LTBP4: variants seen among roughly 807,000 people sequenced by gnomAD.
LTBP4 encodes the protein latent-transforming growth factor beta-binding protein 4.
LTBP4 carries 93 observed loss-of-function variants against 180.2 expected under a neutral mutation model. The ratio of observed to expected loss-of-function variants is 0.52; its 90% CI spans 0.44 to 0.61. The LOEUF (loss-of-function observed/expected upper bound fraction) is 0.61. Among genes scored for constraint, LTBP4 ranks in the 20% least tolerant of loss-of-function variants. The probability of loss-of-function intolerance (pLI) is 0.00; values close to 1 mark genes in which losing one functional copy is unlikely to be tolerated. For synonymous variants in LTBP4, 947 were observed against 934.5 expected, an observed-to-expected ratio of 1.01 and a Z score of -0.24; for missense variants, 2,116 against 2,256.5, an observed-to-expected ratio of 0.94 and a Z score of 1.26.
rs751666161 is a variant in LTBP4, at chr19:40,608,454, C to T, written c.1307-30C>T. On this transcript the variant is annotated intron_variant, in intron 8 of 29. Coordinates refer to ENST00000396819, the MANE Select transcript of LTBP4 (RefSeq NM_001042545.2). ...GAAAGGAGGCAAGAGAGGATTTGGGCTCCACTCGTTGATACCCCTTCTTTA... is the reference window on the plus strand; with the variant it reads ...GAAAGGAGGCAAGAGAGGATTTGGGTTCCACTCGTTGATACCCCTTCTTTA... 9 of 1,592,184 alleles carry T rather than the reference C, an allele frequency of 5.7e-6. No homozygotes were observed. In the African/African-American group the frequency reaches 6.7e-5, roughly 12 times the overall value.
At chr19:40,604,360 G>A (rs2081443841) in intron 1 of LTBP4, among the ~76,000 whole-genome samples, 1 of 152,042 alleles carries the variant, frequency 6.6e-6, no homozygotes, top group African/African-American at 2.4e-5. Flanking sequence ...AGAGTTGGGC[G>A]GGGAGTTATG....
intron 26 of LTBP4, 30 bp downstream of exon 26, chr19:40,624,112 C>G (rs1325562082): frequency 6.7e-7 from 1 of 1,496,240 alleles, no homozygotes. Flanking sequence ...CCAGGCCCTC[C>G]TTCCCTTGGC....
Position 40,627,703 on chromosome 19 carries a change from A to G in LTBP4, c.4367-2A>G. On this transcript the variant is annotated splice_acceptor_variant, in intron 28 of 29. Transcript: ENST00000396819. LOFTEE classifies it high-confidence loss of function. ...GTCATAGGGTCCCCGCATTTCCCAC[A>G]GGTTCCCTGGCTGAGCCCTACGAGG... is the stretch of plus-strand genomic sequence containing the variant. 1 of 1,589,834 alleles carries G rather than the reference A, an allele frequency of 6.3e-7. No homozygotes were observed. The highest frequency in any genetic ancestry group is 8.6e-7 in the Non-Finnish European group (1 of 1,169,410).
At position 40,613,980 on chromosome 19, in the gene LTBP4, C is replaced by A. The variant is rs368968316; in HGVS notation, c.2622C>A (p.Ser874=). The stretch of plus-strand genomic sequence containing the variant: ...GCATCTGTACCAACACCGACGGCTC[C>A]TTCGAGTGCATCTGTCCTCCGGGAC... ...QSGICTNTDG[S]FECICPPGHR... The change falls in exon 18 of 30, where the codon TCC becomes TCA. Residue 874 remains serine, a synonymous_variant. Coordinates refer to ENST00000396819, the MANE Select transcript of LTBP4 (RefSeq NM_001042545.2). The surrounding 1 kb of genome is among the most constrained non-coding windows in gnomAD (Gnocchi z 5.0). 6.8e-6 allele frequency: 11 copies of A among 1,613,632 alleles called. No homozygotes were observed. The highest frequency in any genetic ancestry group is 1.3e-5 in the African/African-American group (1 of 74,886).
In LTBP4 at chr19:40,609,864, A is replaced by T; in HGVS notation, c.1677A>T (p.Glu559Asp). The change falls in exon 11 of 30, where the codon GAA becomes GAT. Residue 559 changes from glutamate (E) to aspartate (D), a missense_variant. This residue lies in a region of LTBP4 where 877 missense variants were observed against 873.6 expected (regional missense o/e 1.00). Coordinates refer to ENST00000396819, the MANE Select transcript of LTBP4 (RefSeq NM_001042545.2). The surrounding 1 kb of genome is among the most constrained non-coding windows in gnomAD (Gnocchi z 4.9). ...PGFRAGPRAA[E>D]CLDVDECHRV... Reference sequence around the variant, plus strand: ...TCCGAGCCGGCCCACGGGCTGCGGAATGCCTGGGTGAGAAATTTGCCCCAC... The same window carrying T: ...TCCGAGCCGGCCCACGGGCTGCGGATTGCCTGGGTGAGAAATTTGCCCCAC... 2 of 1,569,160 alleles carry T rather than the reference A, an allele frequency of 1.3e-6. No homozygotes were observed.
At position 40,606,500 on chromosome 19, in the gene LTBP4, T is replaced by A; in HGVS notation, c.965T>A (p.Leu322His). Residue 322 changes from leucine (L) to histidine (H), a missense_variant, in exon 6 of 30, where the codon CTC becomes CAC. Coordinates refer to ENST00000396819, the MANE Select transcript of LTBP4 (RefSeq NM_001042545.2). ...TGTGTGTGCCCCGACGGCTTTCTGC[T>A]CGACTCGTCCCGCAGCAGCTGCATC... ...YTCVCPDGFL[L>H]DSSRSSCISQ... 1 of 1,573,038 alleles carries A rather than the reference T, an allele frequency of 6.4e-7. No homozygotes were observed. Among genetic ancestry groups the A allele is most frequent in the South Asian group, 1.2e-5 (1 of 85,672 alleles).
At chr19:40,623,754 A>AC (rs750359995) in intron 25 of LTBP4, 22 bp downstream of exon 25, 48 of 1,610,984 alleles carry the variant, frequency 3.0e-5, no homozygotes, top group Non-Finnish European at 3.9e-5. Flanking sequence ...ACCTCCCCCA[A>AC]CCCCCGGCAA....
At position 40,627,161 on chromosome 19, in the gene LTBP4, C is replaced by G; in HGVS notation, c.4172C>G (p.Pro1391Arg). ...PYDPYPPPPG[P>R]FARREAPYGA... Reference sequence around the variant, plus strand: ...GACCCCTACCCACCGCCACCTGGGCCCTTCGCCCGCCGGGAGGCTCCTTAT... The same window carrying G: ...GACCCCTACCCACCGCCACCTGGGCGCTTCGCCCGCCGGGAGGCTCCTTAT... Residue 1391 changes from proline (P) to arginine (R), a missense_variant, in exon 28 of 30, where the codon CCC becomes CGC. Physicochemically the swap from Pro to Arg is moderately radical, Grantham distance 103 (BLOSUM62 -2). Transcript: ENST00000396819. The G allele has an allele frequency of 6.2e-7, 1 of 1,611,718 alleles. No homozygotes were observed. Among genetic ancestry groups the G allele is most frequent in the Non-Finnish European group, 8.5e-7 (1 of 1,179,316 alleles).
chr19:40,626,095 C>T, intron 27 of LTBP4, 86 bp downstream of exon 27: 2 of 1,430,822 alleles, frequency 1.4e-6, no homozygotes, highest in Non-Finnish European at 9.3e-7. Flanking sequence ...CGCAGAACCC[C>T]CAGACTCTAT....
rs1479180520 is a variant in LTBP4 at position 40,614,036 on chromosome 19, T to C, written c.2678T>C (p.Leu893Pro). Residue 893 changes from leucine to proline, a missense_variant and splice_region_variant, in exon 18 of 30, where the codon CTC becomes CCC. By Grantham distance (98) the Leu-to-Pro change is moderately conservative (BLOSUM62 -3). Around this residue, in one of 5 missense-constraint regions of LTBP4, gnomAD observed 877 missense variants for 873.6 expected, o/e 1.00. Coordinates refer to ENST00000396819, the MANE Select transcript of LTBP4 (RefSeq NM_001042545.2). ...HRAGPDLASC[L>P]DVDECRERGP... ...GCTGGCCCGGACCTCGCCTCCTGCCTCGGTGAGAGGCCCCGCCCCGGCCTG... is the reference window on the plus strand; with the variant it reads ...GCTGGCCCGGACCTCGCCTCCTGCCCCGGTGAGAGGCCCCGCCCCGGCCTG... 1.2e-6 allele frequency: 2 copies of C among 1,612,112 alleles called. No homozygotes were observed. Among genetic ancestry groups the C allele is most frequent in the African/African-American group, 1.3e-5 (1 of 74,836 alleles).
chr19:40,617,037 C>A lies in LTBP4; in HGVS notation c.2944+17C>A. On this transcript the variant is annotated intron_variant, in intron 20 of 29. Transcript: ENST00000396819. ...GATGCCAGGGTGGGTGTCCATCAGG[C>A]ATCGGGTGAGATGTGGAGATGGTAG... 1 of 1,612,900 alleles carries A rather than the reference C, an allele frequency of 6.2e-7. No individual in the cohort carries two copies. The highest frequency in any genetic ancestry group is 8.5e-7 in the Non-Finnish European group (1 of 1,178,934).
At chr19:40,608,104 C>G (rs1202064608) in intron 7 of LTBP4, 116 bp from the exon 8 acceptor site, 3 of 1,156,622 alleles carry the variant, frequency 2.6e-6, no homozygotes, top group Admixed American at 3.9e-5. Context: ...GCCTCCAGCT[C>G]AAACCCCTGA....
At position 40,611,512 on chromosome 19, in the gene LTBP4, G is replaced by GTCCCCATCCCTCA; in HGVS notation, c.2053+118_2053+119insTCCCCATCCCTCA. The stretch of plus-strand genomic sequence containing the variant: ...TCAGGGATGGAGAACAGGGGCTGAG[G>GTCCCCATCCCTCA]GATGGGGACCTCACTCCAGAGTCTT... On this transcript the variant is annotated intron_variant, in intron 13 of 29. Coordinates refer to ENST00000396819, the MANE Select transcript of LTBP4 (RefSeq NM_001042545.2). This position sits in a 1 kb window ranked among gnomAD's most constrained non-coding sequence, Gnocchi z 4.4. 2 of 1,404,922 alleles carry GTCCCCATCCCTCA rather than the reference G, an allele frequency of 1.4e-6. No homozygotes were observed. Among genetic ancestry groups the GTCCCCATCCCTCA allele is most frequent in the Non-Finnish European group, 1.9e-6 (2 of 1,050,192 alleles). 87.0% of individuals were successfully genotyped at this position (1,404,922 alleles called of 1,614,324 possible). A position where few individuals can be genotyped will look rare whatever the true frequency, so the allele number is the denominator to read the frequency against.
At chr19:40,623,155 CTCTT>C (rs907530048) in intron 24 of LTBP4, 134 bp downstream of exon 24, 8 of 550,124 alleles carry the variant, frequency 1.5e-5, no homozygotes, top group African/African-American at 4.0e-5. Context: ...CATACTCTGT[CTCTT>C]TCTTTCTTTT....
At position 40,605,788 on chromosome 19, in the gene LTBP4, G is replaced by A; in HGVS notation, c.750G>A (p.Leu250=). 1 of 1,541,248 alleles carries A rather than the reference G, an allele frequency of 6.5e-7. No individual in the cohort carries two copies. ...AGGTCTGCTGCCGAGGGGCCGGCTT[G>A]GCCTGGGGCGTTCACGACTGTCAGC... is the stretch of plus-strand genomic sequence containing the variant. ...TQEVCCRGAG[L]AWGVHDCQLC... Residue 250 remains leucine (L), a synonymous_variant, in exon 4 of 30, where the codon TTG becomes TTA. Transcript: ENST00000396819. The surrounding 1 kb of genome is among the most constrained non-coding windows in gnomAD (Gnocchi z 5.5).
At chr19:40,614,244 C>T (rs1175325782) in intron 18 of LTBP4, 71 bp from the exon 19 acceptor site, 1 of 1,557,932 alleles carries the variant, frequency 6.4e-7, no homozygotes, top group Non-Finnish European at 8.7e-7. Context: ...TCTGACTCTC[C>T]TCTCCCCTCT....
chr19:40,597,829 G>A (rs1319888302), upstream of LTBP4, among the ~76,000 whole-genome samples: 17 of 151,514 alleles, frequency 1.1e-4, no homozygotes, highest in Non-Finnish European at 1.5e-5. Context: ...TGGGGGCTCT[G>A]TGTTCATGAA....
At chr19:40,596,352 C>T (rs1324612026) in intron 1 of LTBP4, among the ~76,000 whole-genome samples, 2 of 152,162 alleles carry the variant, frequency 1.3e-5, no homozygotes, top group African/African-American at 2.4e-5. Context: ...CGCCAGGGCA[C>T]CTAGCCGGAA....
chr19:40,599,288 G>T, upstream of LTBP4: 1 of 1,613,718 alleles, frequency 6.2e-7, no homozygotes, highest in Non-Finnish European at 8.5e-7. Flanking sequence ...TGAGTAGGGG[G>T]CAAAAGGGAA....
Sources: gnomAD v4.1 joint callset for allele counts (sites outside exome capture counted in the v4.1 genomes callset) on GRCh38, gnomAD v4.1.1 for gene constraint, gnomAD v4.1.1 regional missense constraint, Gnocchi (gnomAD v3.1) non-coding constraint, MANE v1.5 for transcripts, NCBI Gene and HGNC (gene_info 2026-07-23, HGNC 2026-07-21) for gene names.